Variants in ZNF487 observed in about 807,000 individuals in gnomAD.
ZNF487 encodes the protein zinc finger protein 487.
A neutral mutation model predicts 3.0 loss-of-function variants in ZNF487; 4 were observed. The observed-to-expected ratio is 1.35, with a 90% CI of 0.66 to 3.08. The LOEUF (loss-of-function observed/expected upper bound fraction) is 3.08. ZNF487 is among the 30% of genes most tolerant of loss of function. ZNF487 has a pLI of 0.01. For synonymous variants in ZNF487, 55 were observed against 34.6 expected, an observed-to-expected ratio of 1.59 and a Z score of -2.06; for missense variants, 146 against 98.7, an observed-to-expected ratio of 1.48 and a Z score of -2.03.
chr10:43,488,632 C>CT, the ZNF487 span, among the ~76,000 whole-genome samples: 2 of 152,154 alleles, frequency 1.3e-5, no homozygotes, highest in Non-Finnish European at 2.9e-5. Context: ...TATAGGGAGA[C>CT]TACATCGAGG....
chr10:43,449,128 GTC>G (rs1839915864), intron 1 of ZNF487, among the ~76,000 whole-genome samples: 2 of 151,934 alleles, frequency 1.3e-5, no homozygotes, highest in Admixed American at 1.3e-4. Flanking sequence ...GTGAAACCCT[GTC>G]TCTACTGAAA....
the ZNF487 span, among the ~76,000 whole-genome samples, chr10:43,518,083 C>T: frequency 3.3e-5 from 5 of 152,162 alleles, no homozygotes; most frequent in African/African-American, 1.2e-4. Flanking sequence ...GAGTTGCCCC[C>T]TTTGGGGTAA....
the ZNF487 span, among the ~76,000 whole-genome samples, chr10:43,510,980 T>G: frequency 6.6e-6 from 1 of 152,182 alleles, no homozygotes; most frequent in Non-Finnish European, 1.5e-5. Context: ...CTAAGACCTC[T>G]AGGCCAGCAG....
At chr10:43,470,573 A>G (rs947457488) in intron 1 of ZNF487, among the ~76,000 whole-genome samples, 1 of 152,010 alleles carries the variant, frequency 6.6e-6, no homozygotes, top group African/African-American at 2.4e-5. Context: ...TTTAGTAGAG[A>G]TGGGGTTCTC....
the ZNF487 span, among the ~76,000 whole-genome samples, chr10:43,492,321 T>A: frequency 6.6e-6 from 1 of 151,898 alleles, no homozygotes; most frequent in African/African-American, 2.4e-5. Context: ...CAAAATCTAT[T>A]GCAAATCATC....
intron 3 of ZNF487, among the ~76,000 whole-genome samples, chr10:43,479,330 C>T (rs1352841431): frequency 1.3e-5 from 2 of 151,884 alleles, no homozygotes; most frequent in African/African-American, 4.8e-5. Flanking sequence ...GAATTGGTCC[C>T]ATTTATAATC....
the ZNF487 span, among the ~76,000 whole-genome samples, chr10:43,507,810 G>T: frequency 6.6e-6 from 1 of 152,202 alleles, no homozygotes; most frequent in African/African-American, 2.4e-5. Flanking sequence ...TGGGCCATTG[G>T]GCCCCTGAAC....
chr10:43,458,369 CG>C (rs532646356), intron 1 of ZNF487, among the ~76,000 whole-genome samples: 83 of 152,240 alleles, frequency 5.5e-4, no homozygotes, highest in African/African-American at 2.0e-3. Context: ...AGGTGGCTTC[CG>C]GGGTCTTAGG....
chr10:43,509,861 C>T, the ZNF487 span, among the ~76,000 whole-genome samples: 6 of 152,096 alleles, frequency 3.9e-5, no homozygotes, highest in Non-Finnish European at 8.8e-5. Context: ...TAAGTTGACA[C>T]TCAGTATTAA....
the ZNF487 span, among the ~76,000 whole-genome samples, chr10:43,521,184 G>T: frequency 9.9e-5 from 15 of 152,116 alleles, no homozygotes; most frequent in Non-Finnish European, 1.5e-4. Flanking sequence ...GAAATACAGG[G>T]TTAGTTCCTG....
the ZNF487 span, among the ~76,000 whole-genome samples, chr10:43,507,314 G>A: frequency 1.3e-5 from 2 of 152,192 alleles, no homozygotes; most frequent in Non-Finnish European, 2.9e-5. Context: ...CCTGGGACAG[G>A]TCTGCCCTTC....
chr10:43,455,746 G>A (rs980954234), intron 1 of ZNF487, among the ~76,000 whole-genome samples: 22 of 152,248 alleles, frequency 1.4e-4, no homozygotes, highest in African/African-American at 5.1e-4. Context: ...GAGCCCGCCG[G>A]AGGGCGGGGC....
At chr10:43,521,861 A>T in the ZNF487 span, among the ~76,000 whole-genome samples, 82 of 151,106 alleles carry the variant, frequency 5.4e-4, no homozygotes, top group Non-Finnish European at 9.0e-4. Flanking sequence ...TAATATATAC[A>T]CACGTATATA....
the ZNF487 span, among the ~76,000 whole-genome samples, chr10:43,493,709 A>AATATATAT: frequency 9.2e-5 from 4 of 43,684 alleles, no homozygotes; most frequent in African/African-American, 1.7e-4. Flanking sequence ...AAAAAAAAAA[A>AATATATAT]ATATATATAT....
At chr10:43,474,161 A>C (rs538308731) in intron 1 of ZNF487, among the ~76,000 whole-genome samples, 207 of 46,060 alleles carry the variant, frequency 4.5e-3, no homozygotes, top group African/African-American at 6.6e-3. Flanking sequence ...ACCGTGTTTC[A>C]AAAAAAAAAA....
chr10:43,495,763 A>G, the ZNF487 span, among the ~76,000 whole-genome samples: 1 of 152,188 alleles, frequency 6.6e-6, no homozygotes, highest in African/African-American at 2.4e-5. Flanking sequence ...ATATCCCCAG[A>G]ACATAAGACA....
intron 1 of ZNF487, among the ~76,000 whole-genome samples, chr10:43,455,688 G>A (rs1198195707): frequency 2.0e-5 from 3 of 152,236 alleles, no homozygotes; most frequent in Admixed American, 1.3e-4. Flanking sequence ...TTCCGAGAGT[G>A]GCAGGGCTGG....
chr10:43,488,658 A>G, the ZNF487 span, among the ~76,000 whole-genome samples: 6 of 152,354 alleles, frequency 3.9e-5, no homozygotes, highest in East Asian at 1.2e-3. Context: ...ACCAACGAAT[A>G]AATACAGGAT....
chr10:43,496,045 G>T, the ZNF487 span: 2 of 534,270 alleles, frequency 3.7e-6, no homozygotes, highest in Non-Finnish European at 7.7e-6. Context: ...ACGTGACTGT[G>T]GACTTCACCC....
Sources: allele counts gnomAD v4.1 joint callset (sites outside exome capture counted in the v4.1 genomes callset), GRCh38; gene constraint gnomAD v4.1.1; transcripts MANE v1.5; gene names NCBI Gene and HGNC (gene_info 2026-07-23, HGNC 2026-07-21).